The following SSNA1 variants were observed in gnomAD, a reference collection of about 807,000 sequenced individuals.
SSNA1 encodes the protein SS nuclear autoantigen 1, also known as microtubule nucleation factor SSNA1.
A neutral mutation model predicts 13.3 loss-of-function variants in SSNA1; 13 were observed. That is an observed-to-expected ratio of 0.97 (90% CI 0.63 to 1.55). SSNA1 has a LOEUF of 1.55. Among genes scored for constraint, SSNA1 ranks in the 40% most tolerant of loss-of-function variants. The pLI is 0.00. For synonymous variants in SSNA1, 89 were observed against 65.9 expected (o/e 1.35, Z -1.70); for missense variants, 186 against 152.7 (o/e 1.22, Z -1.15).
intron 2 of SSNA1, 32 bp downstream of exon 2, chr9:137,189,297 G>A (rs1834559114): frequency 1.2e-6 from 2 of 1,611,070 alleles, no homozygotes; most frequent in Non-Finnish European, 1.7e-6. Flanking sequence ...CGAGCATCAG[G>A]GGATAGGCAC....
At position 137,189,127 on chromosome 9, in the gene SSNA1, C is replaced by G. The variant is rs531967327; in HGVS notation, c.114C>G (p.Asp38Glu). 1.2e-5 allele frequency: 19 copies of G among 1,607,896 alleles called. No homozygotes were observed. The highest frequency in any genetic ancestry group is 1.7e-4 in the Middle Eastern group (1 of 6,056). The change falls in exon 2 of 3, where the codon GAC becomes GAG. Residue 38 changes from aspartate (D) to glutamate (E), a missense_variant. Coordinates refer to ENST00000322310, the MANE Select transcript of SSNA1 (RefSeq NM_003731.3). ...GCCGGCAGATCCAGGAGGAGGAGGA[C>G]GAGAAGCAGCGGCTGCAGAATGAGG... is the stretch of plus-strand genomic sequence containing the variant. ...ELCRQIQEEEDEKQRLQNEVR... is the reference protein window; with the variant it reads ...ELCRQIQEEEEEKQRLQNEVR...
chr9:137,189,035 G>A (rs1272542198), intron 1 of SSNA1, 31 bp from the exon 2 acceptor site: 6 of 1,549,406 alleles, frequency 3.9e-6, no homozygotes, highest in East Asian at 2.4e-5. Flanking sequence ...TCCTGCCCTG[G>A]GCCCACAGCG....
chr9:137,189,804 C>T lies in SSNA1; in HGVS notation c.253-3C>T. The stretch of plus-strand genomic sequence containing the variant: ...AACAACCTTCTCACTTCTCTGGCCC[C>T]AGATCCTGGAGAGCTCCCAGACTTT... On this transcript the variant is annotated splice_region_variant and splice_polypyrimidine_tract_variant and intron_variant, in intron 2 of 2. Transcript: ENST00000322310. The T allele has an allele frequency of 6.2e-7, 1 of 1,613,728 alleles. No homozygotes were observed. The highest frequency in any genetic ancestry group is 8.5e-7 in the Non-Finnish European group (1 of 1,179,816).
At chr9:137,189,376 C>T (rs1834561884) in intron 2 of SSNA1, 111 bp downstream of exon 2, 2 of 1,300,762 alleles carry the variant, frequency 1.5e-6, no homozygotes, top group Non-Finnish European at 2.2e-6. Flanking sequence ...GTCTGTGCCT[C>T]GCTGGCATTT....
rs779671086 is a variant in SSNA1, at chr9:137,189,920, C to A, written c.*6C>A. On this transcript the variant is annotated 3_prime_UTR_variant, in exon 3 of 3. Coordinates refer to ENST00000322310, the MANE Select transcript of SSNA1 (RefSeq NM_003731.3). Reference sequence around the variant, plus strand: ...GCGGCGGCAGGGACAGCTGACCAGACCACGGGCAGGGCCTGCCTCCGTGTG... The same window carrying A: ...GCGGCGGCAGGGACAGCTGACCAGAACACGGGCAGGGCCTGCCTCCGTGTG... The A allele has an allele frequency of 6.2e-7, 1 of 1,612,252 alleles. No individual in the cohort carries two copies. The highest frequency in any genetic ancestry group is 8.5e-7 in the Non-Finnish European group (1 of 1,179,242).
intron 1 of SSNA1, 127 bp from the exon 2 acceptor site, chr9:137,188,939 C>T: frequency 1.5e-6 from 2 of 1,336,802 alleles, no homozygotes; most frequent in Non-Finnish European, 9.9e-7. Flanking sequence ...CCCTCGCTGG[C>T]TCGCAGGCCC....
Position 137,189,964 on chromosome 9 carries a change from G to C in SSNA1, c.*50G>C. On this transcript the variant is annotated 3_prime_UTR_variant, in exon 3 of 3. Coordinates refer to ENST00000322310, the MANE Select transcript of SSNA1 (RefSeq NM_003731.3). ...CCGTGTGCCCCTCAGCTCAGCCCCAGCAAGTGTGTGCTCAGAGCATCTTTG... is the reference window on the plus strand; with the variant it reads ...CCGTGTGCCCCTCAGCTCAGCCCCACCAAGTGTGTGCTCAGAGCATCTTTG... The C allele has an allele frequency of 6.7e-7, 1 of 1,488,046 alleles. No individual in the cohort carries two copies. The highest frequency in any genetic ancestry group is 9.4e-7 in the Non-Finnish European group (1 of 1,069,470). 92.2% of individuals were successfully genotyped at this position (1,488,046 alleles called of 1,614,324 possible). A position where few individuals can be genotyped will look rare whatever the true frequency, so the allele number is the denominator to read the frequency against.
chr9:137,189,918 G>C lies in SSNA1; in HGVS notation c.*4G>C, dbSNP rs527472867. The stretch of plus-strand genomic sequence containing the variant: ...TAGCGGCGGCAGGGACAGCTGACCA[G>C]ACCACGGGCAGGGCCTGCCTCCGTG... On this transcript the variant is annotated 3_prime_UTR_variant, in exon 3 of 3. Transcript: ENST00000322310. The C allele has an allele frequency of 6.2e-7, 1 of 1,612,856 alleles. No individual in the cohort carries two copies. Among genetic ancestry groups the C allele is most frequent in the South Asian group, 1.1e-5 (1 of 91,046 alleles).
At position 137,189,146 on chromosome 9, in the gene SSNA1, A is replaced by G. The variant is rs1158133505; in HGVS notation, c.133A>G (p.Asn45Asp). 15 of 1,611,884 alleles carry G rather than the reference A, an allele frequency of 9.3e-6. No individual in the cohort carries two copies. Among genetic ancestry groups the G allele is most frequent in the Non-Finnish European group, 1.3e-5 (15 of 1,179,524 alleles). The change falls in exon 2 of 3, where the codon AAT (asparagine) becomes GAT (aspartate). Residue 45 changes from asparagine to aspartate, a missense_variant. Physicochemically the swap from Asn to Asp is conservative, Grantham distance 23 (BLOSUM62 1). Coordinates refer to ENST00000322310, the MANE Select transcript of SSNA1 (RefSeq NM_003731.3). The part of the protein sequence containing the change: ...EEEDEKQRLQ[N>D]EVRQLTEKLA... ...GGAGGACGAGAAGCAGCGGCTGCAGAATGAGGTGAGGCAGCTGACAGAGAA... is the reference window on the plus strand; with the variant it reads ...GGAGGACGAGAAGCAGCGGCTGCAGGATGAGGTGAGGCAGCTGACAGAGAA...
In SSNA1 at chr9:137,188,711, C is replaced by T. The variant is rs767354119; in HGVS notation, c.-16C>T. The T allele has an allele frequency of 7.1e-5, 113 of 1,580,668 alleles. No homozygotes were observed. The highest frequency in any genetic ancestry group is 2.3e-4 in the East Asian group (10 of 42,604). The stretch of plus-strand genomic sequence containing the variant: ...CCGCGGCGGTTGGGGTGGTGGGGCC[C>T]CGGGCGGCGTTGACCATGACCCAGC... On this transcript the variant is annotated 5_prime_UTR_variant, in exon 1 of 3. Coordinates refer to ENST00000322310, the MANE Select transcript of SSNA1 (RefSeq NM_003731.3).
In SSNA1 at chr9:137,189,200, C is replaced by T. The variant is rs531265075; in HGVS notation, c.187C>T (p.Arg63Cys). The T allele has an allele frequency of 1.9e-6, 3 of 1,613,208 alleles. No individual in the cohort carries two copies. The South Asian group carries it at 3.3e-5, about 18-fold the overall frequency. Reference sequence around the variant, plus strand: ...GGCCCGCGTCAACGAGAACCTGGCACGCAAGATTGCCTCTCGCAACGAGTT... The same window carrying T: ...GGCCCGCGTCAACGAGAACCTGGCATGCAAGATTGCCTCTCGCAACGAGTT... ...KLARVNENLARKIASRNEFDR... is the reference protein window; with the variant it reads ...KLARVNENLACKIASRNEFDR... The change falls in exon 2 of 3, where the codon CGC becomes TGC. Residue 63 changes from arginine (R) to cysteine (C), a missense_variant. Physicochemically the swap from Arg to Cys is radical, Grantham distance 180. Coordinates refer to ENST00000322310, the MANE Select transcript of SSNA1 (RefSeq NM_003731.3).
intron 2 of SSNA1, 131 bp downstream of exon 2, chr9:137,189,396 G>C (rs1234963406): frequency 1.5e-5 from 17 of 1,114,650 alleles, no homozygotes; most frequent in African/African-American, 4.6e-5. Context: ...TCGGGCAGGG[G>C]CAGCGTGGCC....
rs1300645179 is a variant in SSNA1 at position 137,189,663 on chromosome 9, C to T, written c.253-144C>T. The T allele has an allele frequency of 1.5e-5, 11 of 724,378 alleles. 1 individual carries two copies. In the Admixed American group the frequency reaches 2.3e-4, roughly 15 times the overall value. The allele number at this position is 724,378 out of a possible 1,614,324, so 44.9% of individuals were successfully genotyped here. A position where few individuals can be genotyped will look rare whatever the true frequency, so the allele number is the denominator to read the frequency against. On this transcript the variant is annotated intron_variant, in intron 2 of 2. Transcript: ENST00000322310. The stretch of plus-strand genomic sequence containing the variant: ...CCCTGCCACCCCGTCTGCCAGTCCC[C>T]TTGGGCTTCCGCCTTCCCCCACACA...
intron 2 of SSNA1, 41 bp from the exon 3 acceptor site, chr9:137,189,766 A>C (rs558021848): frequency 1.9e-6 from 3 of 1,584,208 alleles, no homozygotes; most frequent in Non-Finnish European, 2.6e-6. Flanking sequence ...GACCTTACCA[A>C]CAGGTGAACA....
intron 1 of SSNA1, 44 bp from the exon 2 acceptor site, chr9:137,189,021 GC>G: frequency 6.5e-7 from 1 of 1,539,050 alleles, no homozygotes; most frequent in Non-Finnish European, 8.8e-7. Flanking sequence ...CTCCGCCGCC[GC>G]GCTCCTGCCC....
Position 137,188,700 on chromosome 9 carries a change from G to T in SSNA1, c.-27G>T, listed in dbSNP as rs1356957981. On this transcript the variant is annotated 5_prime_UTR_variant, in exon 1 of 3. Coordinates refer to ENST00000322310, the MANE Select transcript of SSNA1 (RefSeq NM_003731.3). ...CAGCGCTGCTTCCGCGGCGGTTGGGGTGGTGGGGCCCCGGGCGGCGTTGAC... is the reference window on the plus strand; with the variant it reads ...CAGCGCTGCTTCCGCGGCGGTTGGGTTGGTGGGGCCCCGGGCGGCGTTGAC... 1 of 1,577,108 alleles carries T rather than the reference G, an allele frequency of 6.3e-7. No homozygotes were observed. Among genetic ancestry groups the T allele is most frequent in the Non-Finnish European group, 8.5e-7 (1 of 1,170,270 alleles).
Position 137,189,871 on chromosome 9 carries a change from C to T in SSNA1, c.317C>T (p.Ala106Val), listed in dbSNP as rs770932635. Residue 106 changes from alanine to valine, a missense_variant, in exon 3 of 3, where the codon GCT becomes GTT. Transcript: ENST00000322310. ...LKREAGNLTK[A>V]TAPDQKSSGG... ...AGGGAAGCTGGGAACCTGACCAAGG[C>T]TACAGCCCCAGACCAGAAAAGTAGC... 39 of 1,613,872 alleles carry T rather than the reference C, an allele frequency of 2.4e-5. No individual in the cohort carries two copies. The highest frequency in any genetic ancestry group is 5.5e-5 in the South Asian group (5 of 91,096).
intron 1 of SSNA1, 32 bp from the exon 2 acceptor site, chr9:137,189,034 G>T (rs917686358): frequency 1.3e-6 from 2 of 1,548,830 alleles, no homozygotes; most frequent in African/African-American, 2.7e-5. Context: ...CTCCTGCCCT[G>T]GGCCCACAGC....
In SSNA1 at chr9:137,190,010, C is replaced by G. The variant is rs1834577401; in HGVS notation, c.*96C>G. 2.7e-6 allele frequency: 3 copies of G among 1,113,084 alleles called. No individual in the cohort carries two copies. The highest frequency in any genetic ancestry group is 3.9e-6 in the Non-Finnish European group (3 of 759,550). The allele number at this position is 1,113,084 out of a possible 1,614,324, so 69.0% of individuals were successfully genotyped here. On this transcript the variant is annotated 3_prime_UTR_variant, in exon 3 of 3. Coordinates refer to ENST00000322310, the MANE Select transcript of SSNA1 (RefSeq NM_003731.3). ...CTTTGTTCTTCACGGCAGCAGCTAC[C>G]TTCCCTCACTGTCTCAGGTGCCGAG...
Sources: gnomAD v4.1 joint callset for allele counts on GRCh38, gnomAD v4.1.1 for gene constraint, MANE v1.5 for transcripts, NCBI Gene and HGNC (gene_info 2026-07-23, HGNC 2026-07-21) for gene names.